Variants in DGKB observed in about 807,000 individuals in gnomAD.
The protein encoded by DGKB is diacylglycerol kinase beta.
In DGKB, 67 loss-of-function variants were observed where a neutral mutation model predicts 114.3. The observed-to-expected ratio is 0.59, with a 90% CI of 0.48 to 0.72. The LOEUF (loss-of-function observed/expected upper bound fraction) is 0.72. Among genes scored for constraint, DGKB ranks in the 30% least tolerant of loss-of-function variants. The pLI, the probability that DGKB is intolerant of heterozygous loss-of-function variation, is 0.00. For synonymous variants in DGKB, 398 were observed against 323.1 expected (o/e 1.23, Z -2.49); for missense variants, 907 against 975.2 (o/e 0.93, Z 0.93).
At chr7:14,544,689 T>A (rs1187618496) in intron 20 of DGKB, among the ~76,000 whole-genome samples, 1 of 152,188 alleles carries the variant, frequency 6.6e-6, no homozygotes, top group African/African-American at 2.4e-5. Context: ...TATAATTACA[T>A]GGCTAGTCAA....
At chr7:14,689,067 A>T (rs1011932557) in intron 9 of DGKB, among the ~76,000 whole-genome samples, 3 of 151,630 alleles carry the variant, frequency 2.0e-5, no homozygotes, top group Non-Finnish European at 2.9e-5. Flanking sequence ...TAACTTATAT[A>T]GAGAGAGAGA....
At chr7:14,451,504 C>T (rs1831479740) in intron 21 of DGKB, among the ~76,000 whole-genome samples, 1 of 151,720 alleles carries the variant, frequency 6.6e-6, no homozygotes, top group Non-Finnish European at 1.5e-5. Flanking sequence ...TTAGCCTCCA[C>T]AATCATGTGA....
chr7:14,651,340 C>T (rs1267459413), intron 13 of DGKB, among the ~76,000 whole-genome samples: 1 of 151,562 alleles, frequency 6.6e-6, no homozygotes, highest in East Asian at 1.9e-4. Context: ...AAGGCTGGTT[C>T]AATACACGCA....
intron 21 of DGKB, among the ~76,000 whole-genome samples, chr7:14,423,640 C>A (rs571193264): frequency 7.9e-4 from 120 of 152,176 alleles, no homozygotes; most frequent in African/African-American, 2.8e-3. Context: ...AAAAGTGATT[C>A]AGTATAAAGT....
intron 21 of DGKB, among the ~76,000 whole-genome samples, chr7:14,448,078 G>A (rs952764184): frequency 6.6e-6 from 1 of 152,010 alleles, no homozygotes; most frequent in African/African-American, 2.4e-5. Flanking sequence ...AATTTATTGA[G>A]CAGTTTTGTG....
chr7:14,148,508 C>T lies in DGKB; in HGVS notation c.*623G>A, dbSNP rs1781727091. On this transcript the variant is annotated 3_prime_UTR_variant, in exon 26 of 26. Coordinates refer to ENST00000402815, the MANE Select transcript of DGKB (RefSeq NM_001350709.2). The stretch of plus-strand genomic sequence containing the variant: ...AAAGAAAACTAAGCAAAATAAAAAC[C>T]GCGTTCTATTTTTCAGCATGAGAAA... The T allele has an allele frequency of 6.6e-6, 1 of 152,466 alleles. No individual in the cohort carries two copies. The highest frequency in any genetic ancestry group is 2.4e-5 in the African/African-American group (1 of 41,410). 9.4% of individuals were successfully genotyped at this position (152,466 alleles called of 1,614,324 possible).
At position 14,650,823 on chromosome 7, in the gene DGKB, A is replaced by G. The variant is rs80320556; in HGVS notation, c.1135-20555T>C. On this transcript the variant is annotated intron_variant, in intron 13 of 25. Transcript: ENST00000402815. ...AAAATGATAAAGGGGATATCACCAC[A>G]GATCCCACAGAAATACAAACTACCA... Among the ~76,000 whole-genome samples, 14 of 146,298 alleles carry G rather than the reference A, an allele frequency of 9.6e-5. No homozygotes were observed. The East Asian group carries it at 2.8e-3, about 30-fold the overall frequency.
chr7:14,305,772 T>C (rs1280032605), intron 23 of DGKB, among the ~76,000 whole-genome samples: 1 of 152,166 alleles, frequency 6.6e-6, no homozygotes, highest in Non-Finnish European at 1.5e-5. Flanking sequence ...TTTAGCTTTC[T>C]CATTTTATAA....
intron 25 of DGKB, among the ~76,000 whole-genome samples, chr7:14,169,990 C>T (rs1339974153): frequency 1.3e-5 from 2 of 151,412 alleles, no homozygotes; most frequent in African/African-American, 4.9e-5. Context: ...CAAAATTAGC[C>T]AGGTGTGGTG....
chr7:14,371,411 C>A (rs1817623968), intron 21 of DGKB, among the ~76,000 whole-genome samples: 1 of 152,054 alleles, frequency 6.6e-6, no homozygotes, highest in Non-Finnish European at 1.5e-5. Flanking sequence ...ATTTGCATTT[C>A]TCTGATGATT....
chr7:14,424,141 C>T, intron 21 of DGKB, among the ~76,000 whole-genome samples: 1 of 152,056 alleles, frequency 6.6e-6, no homozygotes, highest in East Asian at 1.9e-4. Context: ...GTTCATCTAG[C>T]CAAATCCTAC....
At chr7:14,336,601 T>C (rs1407182826) in intron 23 of DGKB, among the ~76,000 whole-genome samples, 1 of 152,118 alleles carries the variant, frequency 6.6e-6, no homozygotes, top group Non-Finnish European at 1.5e-5. Context: ...AGTTCCACAG[T>C]AGAAAGCAAG....
intron 23 of DGKB, among the ~76,000 whole-genome samples, chr7:14,336,711 T>C (rs768910824): frequency 6.0e-4 from 92 of 152,226 alleles, no homozygotes; most frequent in Admixed American, 1.2e-3. Flanking sequence ...TCCAAATGTG[T>C]GTTCCTGAAA....
intron 20 of DGKB, among the ~76,000 whole-genome samples, chr7:14,512,887 T>C (rs1347086768): frequency 6.6e-6 from 1 of 152,120 alleles, no homozygotes; most frequent in East Asian, 1.9e-4. Flanking sequence ...TTTTGCTTTA[T>C]GATCATTCAT....
chr7:14,232,267 G>A (rs755387071), intron 23 of DGKB, among the ~76,000 whole-genome samples: 1 of 151,068 alleles, frequency 6.6e-6, no homozygotes, highest in Non-Finnish European at 1.5e-5. Context: ...GGCCCATTTT[G>A]TACTCAATCC....
intron 23 of DGKB, among the ~76,000 whole-genome samples, chr7:14,249,495 G>C (rs1794928954): frequency 6.6e-6 from 1 of 152,052 alleles, no homozygotes; most frequent in African/African-American, 2.4e-5. Context: ...GGGAGGTTTT[G>C]ATTACTGATT....
rs188655306 is a variant in DGKB, at chr7:14,330,513, T to C, written c.2122+8002A>G. Among the ~76,000 whole-genome samples, 239 of 152,156 alleles carry C rather than the reference T, an allele frequency of 1.6e-3. 1 individual carries two copies. The highest frequency in any genetic ancestry group is 5.6e-3 in the African/African-American group (231 of 41,572). Reference sequence around the variant, plus strand: ...GATTACTTACCTGTTATATTCAATTTAAAATGGCTTTGCAGTCTTACCAAT... The same window carrying C: ...GATTACTTACCTGTTATATTCAATTCAAAATGGCTTTGCAGTCTTACCAAT... On this transcript the variant is annotated intron_variant, in intron 23 of 25. Transcript: ENST00000402815.
chr7:14,740,820 T>C (rs560175851), intron 4 of DGKB, among the ~76,000 whole-genome samples: 2 of 152,130 alleles, frequency 1.3e-5, no homozygotes, highest in East Asian at 3.9e-4. Flanking sequence ...TTAACATGAG[T>C]GAAAGCTGCA....
At chr7:14,747,544 G>A (rs1833482236) in intron 4 of DGKB, among the ~76,000 whole-genome samples, 1 of 151,952 alleles carries the variant, frequency 6.6e-6, no homozygotes, top group South Asian at 2.1e-4. Context: ...ATCTTCATCT[G>A]TACATTTTCC....
Sources: allele counts gnomAD v4.1 joint callset (sites outside exome capture counted in the v4.1 genomes callset), GRCh38; gene constraint gnomAD v4.1.1; transcripts MANE v1.5; gene names NCBI Gene and HGNC (gene_info 2026-07-23, HGNC 2026-07-21).